The following SEMA3E variants were observed in gnomAD, a reference collection of about 807,000 sequenced individuals.
SEMA3E encodes semaphorin 3E, also known as semaphorin-3E.
Under a neutral mutation model 93.6 loss-of-function variants are expected in SEMA3E, and 49 were observed. The ratio of observed to expected loss-of-function variants is 0.52; its 90% CI spans 0.42 to 0.66. SEMA3E has a LOEUF of 0.66. SEMA3E is among the 30% of genes least tolerant of loss of function. The probability of loss-of-function intolerance (pLI) is 0.00; values close to 1 mark genes in which losing one functional copy is unlikely to be tolerated. For synonymous variants in SEMA3E, 363 were observed against 330.7 expected, an observed-to-expected ratio of 1.10 and a Z score of -1.06; for missense variants, 906 against 964.8, an observed-to-expected ratio of 0.94 and a Z score of 0.81.
At chr7:83,536,193 T>C (rs57484252) in intron 1 of SEMA3E, among the ~76,000 whole-genome samples, 28,489 of 151,894 alleles carry the variant, frequency 0.19, 2,938 homozygotes, top group Middle Eastern at 0.37. Flanking sequence ...TGATCACTTT[T>C]ACCAGCTTTT....
intron 1 of SEMA3E, among the ~76,000 whole-genome samples, chr7:83,509,001 G>A (rs1370796241): frequency 6.6e-6 from 1 of 152,128 alleles, no homozygotes; most frequent in African/African-American, 2.4e-5. Context: ...CACACCTGGT[G>A]TAATTTGAAG....
At chr7:83,580,645 GA>G (rs755300262) in intron 1 of SEMA3E, among the ~76,000 whole-genome samples, 1 of 151,924 alleles carries the variant, frequency 6.6e-6, no homozygotes, top group Non-Finnish European at 1.5e-5. Context: ...ACATCTCCAA[GA>G]AGTCCTCCTT....
intron 1 of SEMA3E, among the ~76,000 whole-genome samples, chr7:83,523,046 C>CA (rs1201400905): frequency 1.3e-5 from 2 of 151,980 alleles, no homozygotes; most frequent in Non-Finnish European, 2.9e-5. Context: ...GCAACACCAG[C>CA]ATAAGAACGG....
At chr7:83,537,603 A>G (rs1359251255) in intron 1 of SEMA3E, among the ~76,000 whole-genome samples, 1 of 152,156 alleles carries the variant, frequency 6.6e-6, no homozygotes, top group Non-Finnish European at 1.5e-5. Flanking sequence ...AACAAATTTT[A>G]ATGCTGTAAC....
intron 16 of SEMA3E, among the ~76,000 whole-genome samples, chr7:83,369,549 A>G (rs773185819): frequency 2.0e-4 from 30 of 152,162 alleles, no homozygotes; most frequent in Non-Finnish European, 4.1e-4. Context: ...CTAATAAAAG[A>G]GTCTCCATAA....
At position 83,513,941 on chromosome 7, in the gene SEMA3E, G is replaced by A. The variant is rs1228605224; in HGVS notation, c.116-23667C>T. Reference sequence around the variant, plus strand: ...TGAAACCTACTGGGCTGCATTCCCAGATGGTTAAGGCATTCTAAATCACAG... The same window carrying A: ...TGAAACCTACTGGGCTGCATTCCCAAATGGTTAAGGCATTCTAAATCACAG... On this transcript the variant is annotated intron_variant, in intron 1 of 16. Coordinates refer to ENST00000643230, the MANE Select transcript of SEMA3E (RefSeq NM_012431.3). Among the ~76,000 whole-genome samples the A allele has an allele frequency of 2.4e-4, 37 of 152,148 alleles. 1 individual carries two copies. Among genetic ancestry groups the A allele is most frequent in the Non-Finnish European group, 1.5e-4 (10 of 68,014 alleles).
At chr7:83,562,798 C>T (rs1792059352) in intron 1 of SEMA3E, among the ~76,000 whole-genome samples, 1 of 151,974 alleles carries the variant, frequency 6.6e-6, no homozygotes. Context: ...CATATCCAAT[C>T]TATCTCCAAA....
chr7:83,470,038 G>A (rs2249065), intron 2 of SEMA3E, among the ~76,000 whole-genome samples: 64,999 of 151,620 alleles, frequency 0.43, 15,742 homozygotes, highest in East Asian at 0.66. Flanking sequence ...TGCCTGCCTC[G>A]GCCTCCCAAA....
chr7:83,635,914 G>A (rs145916554), intron 1 of SEMA3E, among the ~76,000 whole-genome samples: 6 of 150,326 alleles, frequency 4.0e-5, no homozygotes, highest in Admixed American at 1.3e-4. Context: ...TGGTCAATTG[G>A]GCCTTTCTGA....
intron 1 of SEMA3E, among the ~76,000 whole-genome samples, chr7:83,631,459 A>G (rs539404171): frequency 2.4e-4 from 37 of 152,346 alleles, no homozygotes; most frequent in African/African-American, 8.4e-4. Context: ...ATTTAAAAAG[A>G]AAAACAAAAC....
chr7:83,482,145 AGAG>A (rs1008336332), intron 2 of SEMA3E, among the ~76,000 whole-genome samples: 5 of 152,300 alleles, frequency 3.3e-5, no homozygotes, highest in East Asian at 1.9e-4. Flanking sequence ...CCTGTTTGCC[AGAG>A]GAGAAGTGGG....
intron 2 of SEMA3E, among the ~76,000 whole-genome samples, chr7:83,489,265 C>G (rs2115972762): frequency 6.6e-6 from 1 of 151,900 alleles, no homozygotes; most frequent in African/African-American, 2.4e-5. Flanking sequence ...TAAAATGAAA[C>G]ATATCAATAA....
At chr7:83,436,214 C>T (rs1048115017) in intron 4 of SEMA3E, among the ~76,000 whole-genome samples, 13 of 151,358 alleles carry the variant, frequency 8.6e-5, no homozygotes, top group Middle Eastern at 3.4e-3. Flanking sequence ...ACATATAAAA[C>T]GTGTGTTAAA....
At chr7:83,487,769 T>C (rs961560411) in intron 2 of SEMA3E, among the ~76,000 whole-genome samples, 1 of 151,450 alleles carries the variant, frequency 6.6e-6, no homozygotes, top group African/African-American at 2.4e-5. Flanking sequence ...TTAGTATACA[T>C]ATGTTTGAAG....
intron 1 of SEMA3E, among the ~76,000 whole-genome samples, chr7:83,579,923 A>G (rs1015139085): frequency 1.3e-5 from 2 of 152,074 alleles, no homozygotes; most frequent in Non-Finnish European, 2.9e-5. Context: ...TTAGCAATGA[A>G]TGAACTTCCT....
intron 1 of SEMA3E, among the ~76,000 whole-genome samples, chr7:83,643,505 A>G (rs1163107169): frequency 1.3e-5 from 2 of 152,032 alleles, no homozygotes; most frequent in African/African-American, 4.8e-5. Context: ...ATACTAAAAG[A>G]TAACTGTTTT....
rs114417018 is a variant in SEMA3E, at chr7:83,479,164, C to T, written c.277-9862G>A. ...CGCCAACCCATCTATTTACTTCAGCCGAAAACATCAGTCATTATTCTATAC... is the reference window on the plus strand; with the variant it reads ...CGCCAACCCATCTATTTACTTCAGCTGAAAACATCAGTCATTATTCTATAC... On this transcript the variant is annotated intron_variant, in intron 2 of 16. Coordinates refer to ENST00000643230, the MANE Select transcript of SEMA3E (RefSeq NM_012431.3). Among the ~76,000 whole-genome samples the T allele has an allele frequency of 5.8e-3, 887 of 152,222 alleles. 12 individuals are homozygous for T. The highest frequency in any genetic ancestry group is 0.02 in the African/African-American group (838 of 41,526).
chr7:83,490,345 A>G, intron 1 of SEMA3E, 71 bp from the exon 2 acceptor site: 1 of 1,499,234 alleles, frequency 6.7e-7, no homozygotes, highest in Non-Finnish European at 9.1e-7. Flanking sequence ...CTTTTCTCAT[A>G]GCTCTGTTTT....
At chr7:83,465,776 G>GAA in intron 4 of SEMA3E, among the ~76,000 whole-genome samples, 1 of 152,292 alleles carries the variant, frequency 6.6e-6, no homozygotes, top group East Asian at 1.9e-4. Flanking sequence ...GTAAAATTGT[G>GAA]ATATAGAGTG....
Sources: gnomAD v4.1 joint callset for allele counts (sites outside exome capture counted in the v4.1 genomes callset) on GRCh38, gnomAD v4.1.1 for gene constraint, MANE v1.5 for transcripts, NCBI Gene and HGNC (gene_info 2026-07-23, HGNC 2026-07-21) for gene names.